SREBF2: variants seen among roughly 807,000 people sequenced by gnomAD.
The protein encoded by SREBF2 is sterol regulatory element binding transcription factor 2.
A neutral mutation model predicts 113.1 loss-of-function variants in SREBF2; 55 were observed. The observed-to-expected ratio is 0.49, with a 90% CI of 0.39 to 0.61. The LOEUF is 0.61. SREBF2 is among the 20% of genes least tolerant of loss of function. The pLI is 0.00. For synonymous variants in SREBF2, 593 were observed against 605.7 expected (o/e 0.98, Z 0.31); for missense variants, 1,349 against 1,487.4 (o/e 0.91, Z 1.53).
intron 1 of SREBF2, among the ~76,000 whole-genome samples, chr22:41,842,524 G>C (rs2076839526): frequency 1.3e-5 from 2 of 152,148 alleles, no homozygotes; most frequent in African/African-American, 4.8e-5. Context: ...GACATCTGAA[G>C]GTATTTTCAG....
In SREBF2 at chr22:41,873,892, A is replaced by T. The variant is rs2077168231; in HGVS notation, c.962A>T (p.Lys321Met). The T allele has an allele frequency of 6.2e-7, 1 of 1,614,040 alleles. No individual in the cohort carries two copies. The highest frequency in any genetic ancestry group is 1.3e-5 in the African/African-American group (1 of 74,942). The change falls in exon 5 of 19, where the codon AAG becomes ATG. Residue 321 changes from lysine (K) to methionine (M), a missense_variant. By Grantham distance (95) the Lys-to-Met change is moderately conservative (BLOSUM62 -1). Coordinates refer to ENST00000361204, the MANE Select transcript of SREBF2 (RefSeq NM_004599.4). ...VPIKQVPGGV[K>M]QLEPPKEGER... ...ATTAAGCAGGTACCTGGGGGAGTCA[A>T]GCAGCTTGAGCCCCCCAAAGAAGGA...
intron 2 of SREBF2, among the ~76,000 whole-genome samples, chr22:41,867,655 A>C (rs1167809472): frequency 6.6e-6 from 1 of 152,094 alleles, no homozygotes; most frequent in African/African-American, 2.4e-5. Context: ...AAAATAGAAA[A>C]AATTAGCCGG....
chr22:41,882,425 A>C (rs1054654166), intron 10 of SREBF2, among the ~76,000 whole-genome samples: 1 of 152,210 alleles, frequency 6.6e-6, no homozygotes, highest in Non-Finnish European at 1.5e-5. Flanking sequence ...AAAGAAGACT[A>C]CAGGTGAGAG....
chr22:41,900,409 A>C lies in SREBF2; in HGVS notation c.2818A>C (p.Ser940Arg). Residue 940 changes from serine (S) to arginine (R), a missense_variant, in exon 16 of 19, where the codon AGT becomes CGT. By Grantham distance (110) the Ser-to-Arg change is moderately radical (BLOSUM62 -1). This residue lies in a region of SREBF2 where 650 missense variants were observed against 644.1 expected (regional missense o/e 1.01). Coordinates refer to ENST00000361204, the MANE Select transcript of SREBF2 (RefSeq NM_004599.4). The part of the protein sequence containing the change: ...SLPGKADGQQ[S>R]SFCHCERASG... ...CCCTGGGAAAGCAGATGGGCAGCAG[A>C]GTTCCTTCTGCCATTGCGAGAGGGC... The C allele has an allele frequency of 6.2e-7, 1 of 1,613,954 alleles. No homozygotes were observed. Among genetic ancestry groups the C allele is most frequent in the South Asian group, 1.1e-5 (1 of 91,088 alleles).
chr22:41,866,868 C>G lies in SREBF2; in HGVS notation c.126C>G (p.Phe42Leu). Residue 42 changes from phenylalanine to leucine, a missense_variant, in exon 2 of 19, where the codon TTC becomes TTG. Transcript: ENST00000361204. ...LQFVSNQVGE[F>L]PDLFSEQLCS... ...TTGTCAGTAATCAAGTGGGAGAGTT[C>G]CCTGACTTGTTTTCAGAACAGCTGT... 2 of 1,614,186 alleles carry G rather than the reference C, an allele frequency of 1.2e-6. No homozygotes were observed. Among genetic ancestry groups the G allele is most frequent in the South Asian group, 1.1e-5 (1 of 91,088 alleles).
intron 8 of SREBF2, among the ~76,000 whole-genome samples, chr22:41,877,627 C>T (rs917282254): frequency 6.6e-6 from 1 of 152,144 alleles, no homozygotes; most frequent in African/African-American, 2.4e-5. Context: ...ATGAGCAAAA[C>T]AAATCAGGGA....
intron 11 of SREBF2, among the ~76,000 whole-genome samples, chr22:41,891,890 C>T (rs1356833483): frequency 1.3e-5 from 2 of 152,194 alleles, no homozygotes. Flanking sequence ...CAAAAAGTGA[C>T]AGAACTGAAA....
chr22:41,862,089 C>T (rs2077032848), intron 1 of SREBF2, among the ~76,000 whole-genome samples: 1 of 151,684 alleles, frequency 6.6e-6, no homozygotes, highest in South Asian at 2.1e-4. Flanking sequence ...GAAACTGTAA[C>T]CCTATTTGGA....
In SREBF2 at chr22:41,833,489, C is replaced by T. The variant is rs1002626721; in HGVS notation, c.88+131C>T. The T allele has an allele frequency of 3.5e-5, 25 of 716,352 alleles. No homozygotes were observed. The highest frequency in any genetic ancestry group is 4.6e-5 in the Non-Finnish European group (21 of 459,072). The allele number at this position is 716,352 out of a possible 1,614,324, so 44.4% of individuals were successfully genotyped here. A position where few individuals can be genotyped will look rare whatever the true frequency, so the allele number is the denominator to read the frequency against. ...CGGGAAGAACCCCGTGCGCACGGTG[C>T]CCCCGGCGGTCCTCAACCCTTCCGG... On this transcript the variant is annotated intron_variant, in intron 1 of 18. Coordinates refer to ENST00000361204, the MANE Select transcript of SREBF2 (RefSeq NM_004599.4). This position sits in a 1 kb window ranked among gnomAD's most constrained non-coding sequence, Gnocchi z 4.1.
In SREBF2 at chr22:41,906,197, C is replaced by G. The variant is rs1429049244; in HGVS notation, c.*537C>G. The G allele has an allele frequency of 5.6e-6, 2 of 354,578 alleles. No homozygotes were observed. Among genetic ancestry groups the G allele is most frequent in the African/African-American group, 4.3e-5 (2 of 46,804 alleles). The allele number at this position is 354,578 out of a possible 1,614,324, so 22.0% of individuals were successfully genotyped here. ...TCTCCCTGGGTCTGCGTTCCCTCCC[C>G]TGGGCCTGACTGAGCCTGCTCATTG... On this transcript the variant is annotated 3_prime_UTR_variant, in exon 19 of 19. Transcript: ENST00000361204.
Position 41,872,566 on chromosome 22 carries a change from A to G in SREBF2, c.868-1232A>G, listed in dbSNP as rs147054802. ...CACCTTTTTATTTATTTATTGGCTG[A>G]TTAGATATTGAGGCCATTATTTAAG... On this transcript the variant is annotated intron_variant, in intron 4 of 18. Coordinates refer to ENST00000361204, the MANE Select transcript of SREBF2 (RefSeq NM_004599.4). Among the ~76,000 whole-genome samples, 203 of 152,236 alleles carry G rather than the reference A, an allele frequency of 1.3e-3. 1 individual carries two copies. Among genetic ancestry groups the G allele is most frequent in the African/African-American group, 4.8e-3 (200 of 41,540 alleles).
At position 41,871,129 on chromosome 22, in the gene SREBF2, G is replaced by T. The variant is rs546019842; in HGVS notation, c.867+94G>T. The stretch of plus-strand genomic sequence containing the variant: ...TGTTAAATCTCTATATGCTGAGTAG[G>T]TATGGGAGGGTCTATAGCACAAATC... On this transcript the variant is annotated intron_variant, in intron 4 of 18. Transcript: ENST00000361204. The T allele has an allele frequency of 3.3e-6, 5 of 1,524,328 alleles. No homozygotes were observed. In the African/African-American group the frequency reaches 5.5e-5, roughly 17 times the overall value. 94.4% of individuals were successfully genotyped at this position (1,524,328 alleles called of 1,614,324 possible).
chr22:41,901,998 G>GT (rs1369954902), intron 16 of SREBF2, among the ~76,000 whole-genome samples: 1 of 152,230 alleles, frequency 6.6e-6, no homozygotes, highest in East Asian at 1.9e-4. Context: ...GAAGTGCCAG[G>GT]TTTTGAGGAG....
intron 15 of SREBF2, chr22:41,899,472 G>A (rs1376607189): frequency 3.0e-6 from 3 of 995,496 alleles, no homozygotes; most frequent in Non-Finnish European, 3.6e-6. Flanking sequence ...AAGGCCCCAC[G>A]AGGTCCTATC....
chr22:41,864,741 C>T (rs1340132701), intron 1 of SREBF2, among the ~76,000 whole-genome samples: 1 of 151,976 alleles, frequency 6.6e-6, no homozygotes, highest in Non-Finnish European at 1.5e-5. Flanking sequence ...GGTTGCTTTT[C>T]AGGAGTTTGA....
intron 13 of SREBF2, 120 bp downstream of exon 13, chr22:41,895,057 C>G (rs755126039): frequency 1.5e-5 from 11 of 751,916 alleles, no homozygotes; most frequent in Non-Finnish European, 2.6e-5. Context: ...GCAGGGCAAT[C>G]AAATGGTTCC....
At position 41,905,570 on chromosome 22, in the gene SREBF2, C is replaced by T. The variant is rs1462265864; in HGVS notation, c.3336C>T (p.Thr1112=). The part of the protein sequence containing the change: ...RAVLLAEAAR[T]LEKVGDRRSC... ...TGCTGCTGGCCGAAGCTGCCCGCAC[C>T]CTGGAGAAGGTGGGCGACCGGCGCT... Residue 1112 remains threonine, a synonymous_variant, in exon 19 of 19, where the codon ACC becomes ACT. Coordinates refer to ENST00000361204, the MANE Select transcript of SREBF2 (RefSeq NM_004599.4). 2.5e-6 allele frequency: 4 copies of T among 1,597,174 alleles called. No individual in the cohort carries two copies. The highest frequency in any genetic ancestry group is 3.4e-6 in the Non-Finnish European group (4 of 1,172,862).
In SREBF2 at chr22:41,833,181, G is replaced by A; in HGVS notation, c.-90G>A. 1 of 1,028,900 alleles carries A rather than the reference G, an allele frequency of 9.7e-7. No individual in the cohort carries two copies. Among genetic ancestry groups the A allele is most frequent in the East Asian group, 3.2e-5 (1 of 31,092 alleles). 63.7% of individuals were successfully genotyped at this position (1,028,900 alleles called of 1,614,324 possible). ...GTCGGTGAGGCGGTGCCGGGCGGGG[G>A]TTGTCGGGTGTCATGGGCGGTGGCG... On this transcript the variant is annotated 5_prime_UTR_variant, in exon 1 of 19. Coordinates refer to ENST00000361204, the MANE Select transcript of SREBF2 (RefSeq NM_004599.4). The surrounding 1 kb of genome is among the most constrained non-coding windows in gnomAD (Gnocchi z 4.1).
rs200865732 is a variant in SREBF2, at chr22:41,898,753, C to T, written c.2710C>T (p.Arg904Cys). The change falls in exon 15 of 19, where the codon CGC (arginine) becomes TGC (cysteine). Residue 904 changes from arginine (R) to cysteine (C), a missense_variant. Physicochemically the swap from Arg to Cys is radical, Grantham distance 180. Transcript: ENST00000361204. ...AVRSHFTKVE[R>C]IPKALEVTES... ...GCGCTCTCATTTTACCAAAGTGGAA[C>T]GCATCCCCAAGGCCCTGGAAGTGAC... The T allele has an allele frequency of 5.5e-5, 89 of 1,614,120 alleles. 1 individual carries two copies. The highest frequency in any genetic ancestry group is 1.2e-4 in the Admixed American group (7 of 60,018).
Sources: allele counts gnomAD v4.1 joint callset (sites outside exome capture counted in the v4.1 genomes callset), GRCh38; gene constraint gnomAD v4.1.1; regional missense constraint gnomAD v4.1.1; non-coding constraint Gnocchi (gnomAD v3.1); transcripts MANE v1.5; gene names NCBI Gene and HGNC (gene_info 2026-07-23, HGNC 2026-07-21).